The following DENND2B variants were observed in gnomAD, a reference collection of about 807,000 sequenced individuals.
DENND2B encodes the protein DENN domain-containing protein 2B.
In DENND2B, 32 loss-of-function variants were observed where a neutral mutation model predicts 116.0. The observed-to-expected ratio is 0.28, with a 90% CI of 0.21 to 0.37. The LOEUF is 0.37. Ranked by LOEUF, DENND2B falls within the 10% of genes least tolerant of loss-of-function variation. The pLI, the probability that DENND2B is intolerant of heterozygous loss-of-function variation, is 1.00. For synonymous variants in DENND2B, 588 were observed against 583.9 expected (o/e 1.01, Z -0.10); for missense variants, 1,276 against 1,477.7 (o/e 0.86, Z 2.24).
At position 8,815,860 on chromosome 11, in the gene DENND2B, C is replaced by T. The variant is rs534491099; in HGVS notation, c.-114-4525G>A. Among the ~76,000 whole-genome samples the T allele has an allele frequency of 2.6e-5, 4 of 152,210 alleles. No individual in the cohort carries two copies. In the South Asian group the frequency reaches 6.2e-4, roughly 24 times the overall value. On this transcript the variant is annotated intron_variant, in intron 4 of 6. Transcript: ENST00000524757. Reference sequence around the variant, plus strand: ...TAAACGAATCATTGAAAAGACTCTCCAAACAAACAAACAGAAACAGCTATT... The same window carrying T: ...TAAACGAATCATTGAAAAGACTCTCTAAACAAACAAACAGAAACAGCTATT...
chr11:8,732,858 G>A (rs1481534313), intron 2 of DENND2B, among the ~76,000 whole-genome samples: 2 of 152,208 alleles, frequency 1.3e-5, no homozygotes, highest in East Asian at 1.9e-4. Flanking sequence ...AGCCTCTCAG[G>A]CTCCGGAATG....
Position 8,776,152 on chromosome 11 carries a change from G to GCACA in DENND2B, c.-25-25428_-25-25427insTGTG, listed in dbSNP as rs760819228. ...CACAGACACGCACGTGCGCGCACGC[G>GCACA]CGCGCGCGCACACACACACACACAC... is the stretch of plus-strand genomic sequence containing the variant. On this transcript the variant is annotated intron_variant, in intron 1 of 19. Coordinates refer to ENST00000313726, the MANE Select transcript of DENND2B (RefSeq NM_213618.2). 4.7e-5 allele frequency: 13 copies of GCACA among 274,138 alleles called. 1 individual carries two copies. The highest frequency in any genetic ancestry group is 3.6e-4 in the Admixed American group (8 of 22,156). 17.0% of individuals were successfully genotyped at this position (274,138 alleles called of 1,614,324 possible).
chr11:8,782,008 T>A (rs560254316), intron 1 of DENND2B, among the ~76,000 whole-genome samples: 1 of 152,264 alleles, frequency 6.6e-6, no homozygotes, highest in South Asian at 2.1e-4. Context: ...TAGAGAACAA[T>A]CTGGAATTAC....
intron 19 of DENND2B, among the ~76,000 whole-genome samples, chr11:8,695,028 C>T (rs1223075181): frequency 1.3e-5 from 2 of 152,042 alleles, no homozygotes; most frequent in African/African-American, 2.4e-5. Context: ...CACCACTGCA[C>T]TCCAGCCTGA....
chr11:8,775,093 G>T (rs1593496947), intron 1 of DENND2B, among the ~76,000 whole-genome samples: 1 of 151,748 alleles, frequency 6.6e-6, no homozygotes. Flanking sequence ...GTTGGCCAGG[G>T]TGGTCTCGAA....
rs1488468113 is a variant in DENND2B at position 8,694,436 on chromosome 11, C to A, written c.3380-306G>T. On this transcript the variant is annotated intron_variant, in intron 19 of 19. Coordinates refer to ENST00000313726, the MANE Select transcript of DENND2B (RefSeq NM_213618.2). Reference sequence around the variant, plus strand: ...ACCCTGCAGGGAGGGGTGCATTTTGCAGGAAGGGCACTCGCACTGCTGTGT... The same window carrying A: ...ACCCTGCAGGGAGGGGTGCATTTTGAAGGAAGGGCACTCGCACTGCTGTGT... The A allele has an allele frequency of 8.8e-6, 4 of 455,754 alleles. No individual in the cohort carries two copies. In the East Asian group the frequency reaches 1.5e-4, roughly 17 times the overall value. The allele number at this position is 455,754 out of a possible 1,614,324, so 28.2% of individuals were successfully genotyped here.
chr11:8,854,964 G>A (rs975004918), intron 3 of DENND2B, among the ~76,000 whole-genome samples: 2 of 151,988 alleles, frequency 1.3e-5, no homozygotes, highest in Admixed American at 6.6e-5. Flanking sequence ...CGCCTGCCTC[G>A]GCTTCTCTAC....
At chr11:8,855,304 G>A (rs867952715) in intron 3 of DENND2B, among the ~76,000 whole-genome samples, 3 of 151,784 alleles carry the variant, frequency 2.0e-5, no homozygotes, top group African/African-American at 7.3e-5. Context: ...AGACTATCTC[G>A]CTCAGGCTGG....
intron 1 of DENND2B, chr11:8,810,031 T>C (rs1594036641): frequency 6.8e-6 from 1 of 146,758 alleles, no homozygotes; most frequent in East Asian, 2.0e-4. Flanking sequence ...CACAGGCTCC[T>C]GGCTGAGCTT....
chr11:8,804,690 A>G (rs1020327307), intron 1 of DENND2B, among the ~76,000 whole-genome samples: 13 of 151,780 alleles, frequency 8.6e-5, no homozygotes, highest in Non-Finnish European at 1.2e-4. Flanking sequence ...GATTACTGAT[A>G]CACACCACTA....
chr11:8,896,574 T>C (rs1442536827), intron 1 of DENND2B, among the ~76,000 whole-genome samples: 1 of 152,170 alleles, frequency 6.6e-6, no homozygotes, highest in Non-Finnish European at 1.5e-5. Flanking sequence ...TTATAAAGAT[T>C]TGACTTCGGT....
At chr11:8,766,721 C>T in intron 1 of DENND2B, 1 of 1,270,130 alleles carries the variant, frequency 7.9e-7, no homozygotes, top group Non-Finnish European at 1.0e-6. Context: ...TTGGTGACAT[C>T]ACAGCTGTTG....
chr11:8,781,367 C>A (rs939463026), intron 1 of DENND2B, among the ~76,000 whole-genome samples: 5 of 152,012 alleles, frequency 3.3e-5, no homozygotes, highest in Non-Finnish European at 5.9e-5. Context: ...GGTGAGGTGG[C>A]TTCATTGGAG....
intron 1 of DENND2B, chr11:8,809,330 A>G (rs767347272): frequency 2.0e-5 from 3 of 152,230 alleles, no homozygotes; most frequent in Non-Finnish European, 2.9e-5. Flanking sequence ...CCAGAATACA[A>G]AAGACATTCT....
chr11:8,714,901 T>A (rs2044441046), intron 6 of DENND2B, 195 bp from the exon 7 acceptor site: 1 of 568,478 alleles, frequency 1.8e-6, no homozygotes, highest in Admixed American at 3.2e-5. Flanking sequence ...GCTCTCCATA[T>A]ACCTAGTCCC....
At chr11:8,853,056 A>G (rs2063065485) in intron 3 of DENND2B, among the ~76,000 whole-genome samples, 1 of 152,134 alleles carries the variant, frequency 6.6e-6, no homozygotes, top group Non-Finnish European at 1.5e-5. Context: ...CATAAGCAAG[A>G]TTGCTGTCTT....
At chr11:8,885,133 C>T (rs1228135598) in intron 1 of DENND2B, among the ~76,000 whole-genome samples, 1 of 152,218 alleles carries the variant, frequency 6.6e-6, no homozygotes, top group Non-Finnish European at 1.5e-5. Flanking sequence ...GGCTCTGATC[C>T]ATGGCCTTGT....
intron 2 of DENND2B, among the ~76,000 whole-genome samples, chr11:8,864,362 G>A (rs771068163): frequency 2.0e-5 from 3 of 152,150 alleles, no homozygotes; most frequent in Non-Finnish European, 2.9e-5. Context: ...TGACCTCCCA[G>A]GATCAAGCAA....
intron 1 of DENND2B, among the ~76,000 whole-genome samples, chr11:8,897,801 T>G (rs1291087414): frequency 1.3e-5 from 2 of 152,142 alleles, no homozygotes; most frequent in Non-Finnish European, 2.9e-5. Flanking sequence ...TCTTGTTTTT[T>G]TAGAGGTAGG....
Sources: gnomAD v4.1 joint callset for allele counts (sites outside exome capture counted in the v4.1 genomes callset) on GRCh38, gnomAD v4.1.1 for gene constraint, MANE v1.5 for transcripts, NCBI Gene and HGNC (gene_info 2026-07-23, HGNC 2026-07-21) for gene names.